FGGY: variants seen among roughly 807,000 people sequenced by gnomAD.
FGGY encodes the protein FGGY carbohydrate kinase domain-containing protein.
Under a neutral mutation model 71.3 loss-of-function variants are expected in FGGY, and 72 were observed. That is an observed-to-expected ratio of 1.01 (90% CI 0.84 to 1.23). The LOEUF (loss-of-function observed/expected upper bound fraction) is 1.23, where lower values mean the gene tolerates loss of function less well. FGGY is among the 50% of genes most tolerant of loss of function. The probability of loss-of-function intolerance (pLI) is 0.00; values close to 1 mark genes in which losing one functional copy is unlikely to be tolerated. For missense variants in FGGY, 668 were observed against 682.3 expected (o/e 0.98, Z 0.23); for synonymous variants, 251 against 250.3 (o/e 1.00, Z -0.02).
At chr1:59,610,189 G>T (rs1558533612) in intron 9 of FGGY, among the ~76,000 whole-genome samples, 1 of 152,134 alleles carries the variant, frequency 6.6e-6, no homozygotes, top group African/African-American at 2.4e-5. Flanking sequence ...TATGTTTTAA[G>T]CCTTCCATGC....
chr1:59,323,246 G>A (rs1273393555), intron 2 of FGGY, among the ~76,000 whole-genome samples: 1 of 152,142 alleles, frequency 6.6e-6, no homozygotes, highest in East Asian at 1.9e-4. Flanking sequence ...CTGATGAAAA[G>A]CTACTTTAAA....
chr1:59,698,974 T>A (rs1351392374), intron 14 of FGGY: 1 of 985,202 alleles, frequency 1.0e-6, no homozygotes, highest in African/African-American at 1.7e-5. Flanking sequence ...CTGCCAAATC[T>A]AAATGAAAAC....
intron 8 of FGGY, among the ~76,000 whole-genome samples, chr1:59,587,799 G>A (rs890474756): frequency 1.8e-4 from 27 of 152,186 alleles, no homozygotes; most frequent in African/African-American, 2.6e-4. Flanking sequence ...CCATCTGTAC[G>A]TCGCCATCAT....
chr1:59,546,069 T>G (rs969247470), intron 7 of FGGY, among the ~76,000 whole-genome samples: 1 of 151,404 alleles, frequency 6.6e-6, no homozygotes, highest in Non-Finnish European at 1.5e-5. Flanking sequence ...TCAAATGAAC[T>G]GTTATGCCAA....
intron 7 of FGGY, among the ~76,000 whole-genome samples, chr1:59,530,432 T>C (rs1225118136): frequency 6.6e-6 from 1 of 152,208 alleles, no homozygotes; most frequent in Non-Finnish European, 1.5e-5. Flanking sequence ...AATTATAGTC[T>C]CTGTCCTCAA....
chr1:59,472,173 C>T (rs1032196159), intron 6 of FGGY, among the ~76,000 whole-genome samples: 1 of 152,216 alleles, frequency 6.6e-6, no homozygotes, highest in African/African-American at 2.4e-5. Context: ...TGCTTGCGGG[C>T]CAGCGTGAGT....
intron 7 of FGGY, among the ~76,000 whole-genome samples, chr1:59,525,948 T>C (rs1465482096): frequency 6.6e-6 from 1 of 152,206 alleles, no homozygotes; most frequent in Non-Finnish European, 1.5e-5. Flanking sequence ...TATATCTGTA[T>C]GTAGTTGTGC....
intron 10 of FGGY, among the ~76,000 whole-genome samples, chr1:59,632,650 A>G (rs1243726777): frequency 6.6e-6 from 1 of 152,238 alleles, no homozygotes. Flanking sequence ...GCTTAGTGAT[A>G]ATAGTTTCAC....
intron 14 of FGGY, among the ~76,000 whole-genome samples, chr1:59,747,408 A>G (rs935043150): frequency 6.6e-6 from 1 of 152,186 alleles, no homozygotes; most frequent in Middle Eastern, 3.2e-3. Context: ...CCCATGACTG[A>G]ATCGGAATGA....
chr1:59,463,444 C>T (rs1433782357), intron 6 of FGGY, among the ~76,000 whole-genome samples: 1 of 152,186 alleles, frequency 6.6e-6, no homozygotes, highest in African/African-American at 2.4e-5. Context: ...TAGGAAGCAA[C>T]TGCATCAACT....
intron 6 of FGGY, among the ~76,000 whole-genome samples, chr1:59,496,822 T>C (rs543414824): frequency 6.6e-6 from 1 of 152,356 alleles, no homozygotes; most frequent in African/African-American, 2.4e-5. Flanking sequence ...CACACCAGCA[T>C]ATTAAAGTCC....
At chr1:59,322,347 G>A (rs532520549) in intron 2 of FGGY, among the ~76,000 whole-genome samples, 28 of 148,718 alleles carry the variant, frequency 1.9e-4, no homozygotes, top group Admixed American at 4.7e-4. Context: ...GTTTGGTTAC[G>A]TAAGTTCTTT....
chr1:59,753,922 A>G (rs952221074), intron 14 of FGGY, among the ~76,000 whole-genome samples: 1 of 152,174 alleles, frequency 6.6e-6, no homozygotes, highest in Non-Finnish European at 1.5e-5. Context: ...TATAACCTTT[A>G]TGGTCCTTTA....
At position 59,713,829 on chromosome 1, in the gene FGGY, G is replaced by A. The variant is rs189497334; in HGVS notation, c.1512+39696G>A. On this transcript the variant is annotated intron_variant, in intron 14 of 15. Coordinates refer to ENST00000303721, the MANE Select transcript of FGGY (RefSeq NM_018291.5). ...TTTCACTATCATCAGAAAGGCTTCCGCCCTGGATACAATTAGTATTTGTTG... is the reference window on the plus strand; with the variant it reads ...TTTCACTATCATCAGAAAGGCTTCCACCCTGGATACAATTAGTATTTGTTG... Among the ~76,000 whole-genome samples the A allele has an allele frequency of 1.5e-3, 223 of 152,258 alleles. 3 individuals carry two copies. Among genetic ancestry groups the A allele is most frequent in the Admixed American group, 0.01 (154 of 15,300 alleles).
rs748599195 is a variant in FGGY at position 59,502,373 on chromosome 1, GATTA to G, written c.671-9933_671-9930del. Among the ~76,000 whole-genome samples, 77 of 152,340 alleles carry G rather than the reference GATTA, an allele frequency of 5.1e-4. 1 individual carries two copies. The highest frequency in any genetic ancestry group is 1.5e-3 in the South Asian group (7 of 4,826). On this transcript the variant is annotated intron_variant, in intron 6 of 15. Transcript: ENST00000303721. Reference sequence around the variant, plus strand: ...GCTGTTGGATTGTAGAGGAAAGAGTGATTAATTATGATCTACCCAGGGAAGGCTT... The same window carrying G: ...GCTGTTGGATTGTAGAGGAAAGAGTGATTATGATCTACCCAGGGAAGGCTT...
At chr1:59,475,401 A>G (rs1443246168) in intron 6 of FGGY, among the ~76,000 whole-genome samples, 1 of 152,258 alleles carries the variant, frequency 6.6e-6, no homozygotes, top group Admixed American at 6.5e-5. Context: ...TTGGTTAACA[A>G]TTAACTAGTT....
chr1:59,669,936 C>T (rs1025054792), intron 13 of FGGY, among the ~76,000 whole-genome samples: 1 of 152,178 alleles, frequency 6.6e-6, no homozygotes, highest in Non-Finnish European at 1.5e-5. Flanking sequence ...GGGAGTGCAG[C>T]GGCTTCACAG....
chr1:59,548,327 A>G (rs1233454631), intron 7 of FGGY, among the ~76,000 whole-genome samples: 1 of 152,214 alleles, frequency 6.6e-6, no homozygotes, highest in Admixed American at 6.5e-5. Flanking sequence ...TCCCAACCAT[A>G]TGGAACCCTG....
At chr1:59,607,972 G>C in intron 9 of FGGY, 62 bp downstream of exon 9, 2 of 1,385,366 alleles carry the variant, frequency 1.4e-6, no homozygotes, top group South Asian at 2.4e-5. Flanking sequence ...AGTCCATTTT[G>C]TCACATGACC....
Sources: allele counts gnomAD v4.1 joint callset (sites outside exome capture counted in the v4.1 genomes callset), GRCh38; gene constraint gnomAD v4.1.1; transcripts MANE v1.5; gene names NCBI Gene and HGNC (gene_info 2026-07-23, HGNC 2026-07-21).